Variants in RASGRF1 observed in about 807,000 individuals in gnomAD.
RASGRF1 encodes the protein Ras protein specific guanine nucleotide releasing factor 1, also known as ras-specific guanine nucleotide-releasing factor 1.
RASGRF1 carries 40 observed loss-of-function variants against 138.7 expected under a neutral mutation model. The ratio of observed to expected loss-of-function variants is 0.29; its 90% CI spans 0.22 to 0.38. The LOEUF (loss-of-function observed/expected upper bound fraction) is 0.38. Among genes scored for constraint, RASGRF1 ranks in the 10% least tolerant of loss-of-function variants. The pLI, the probability that RASGRF1 is intolerant of heterozygous loss-of-function variation, is 1.00. For synonymous variants in RASGRF1, 614 were observed against 663.2 expected (o/e 0.93, Z 1.14); for missense variants, 1,108 against 1,650.4 (o/e 0.67, Z 5.69).
chr15:79,061,424 A>ATATATATATATATATATATATATATATG (rs1296911631), intron 2 of RASGRF1, among the ~76,000 whole-genome samples: 1 of 146,612 alleles, frequency 6.8e-6, no homozygotes, highest in East Asian at 2.0e-4. Context: ...ATATATATAT[A>ATATATATATATATATATATATATATATG]TATATATCAT....
intron 10 of RASGRF1, 61 bp from the exon 11 acceptor site, chr15:79,020,165 CCTGG>C: frequency 6.6e-7 from 1 of 1,520,990 alleles, no homozygotes; most frequent in Non-Finnish European, 9.1e-7. Flanking sequence ...TTTAGGAGTC[CCTGG>C]ATGATAGGGT....
intron 1 of RASGRF1, among the ~76,000 whole-genome samples, chr15:79,071,025 C>G (rs764709962): frequency 6.6e-6 from 1 of 152,242 alleles, no homozygotes; most frequent in Non-Finnish European, 1.5e-5. Context: ...CTGCTGGTCT[C>G]CAGCCCCGGG....
intron 24 of RASGRF1, among the ~76,000 whole-genome samples, chr15:78,977,116 G>T (rs551374141): frequency 6.6e-6 from 1 of 152,244 alleles, no homozygotes; most frequent in Admixed American, 6.5e-5. Context: ...CTGGCAAGAG[G>T]CAGCTGCCCA....
chr15:79,000,319 A>G (rs1338387509), intron 16 of RASGRF1, among the ~76,000 whole-genome samples: 2 of 152,210 alleles, frequency 1.3e-5, no homozygotes, highest in Admixed American at 6.5e-5. Flanking sequence ...TCTGACATCC[A>G]TAACAATTCA....
chr15:79,076,328 T>C (rs1595970902), intron 1 of RASGRF1, among the ~76,000 whole-genome samples: 1 of 152,038 alleles, frequency 6.6e-6, no homozygotes, highest in Non-Finnish European at 1.5e-5. Flanking sequence ...CAGGCACTGG[T>C]CTTTTTGAAA....
At position 79,032,591 on chromosome 15, in the gene RASGRF1, G is replaced by C. The variant is rs2057157658; in HGVS notation, c.959-275C>G. On this transcript the variant is annotated intron_variant, in intron 6 of 26. Coordinates refer to ENST00000558480, the MANE Select transcript of RASGRF1 (RefSeq NM_001145648.3). The surrounding 1 kb of genome is among the most constrained non-coding windows in gnomAD (Gnocchi z 4.5). ...ACACTTGTGATGGGAGTGTCAGAGA[G>C]AGGAGGTAGAGTGGGCGCTGTGGGG... Among the ~76,000 whole-genome samples the C allele has an allele frequency of 6.6e-6, 1 of 152,198 alleles. No individual in the cohort carries two copies. Among genetic ancestry groups the C allele is most frequent in the Non-Finnish European group, 1.5e-5 (1 of 68,014 alleles).
At chr15:78,978,226 T>G (rs993354711) in intron 24 of RASGRF1, among the ~76,000 whole-genome samples, 1 of 31,802 alleles carries the variant, frequency 3.1e-5, no homozygotes, top group African/African-American at 5.1e-5. Flanking sequence ...TTTTGTTTTT[T>G]TTTTTTTTTT....
chr15:79,019,306 T>C (rs2056925336), intron 11 of RASGRF1, among the ~76,000 whole-genome samples: 1 of 152,084 alleles, frequency 6.6e-6, no homozygotes, highest in Non-Finnish European at 1.5e-5. Context: ...AGTGCCAACT[T>C]TGGCCCAATC....
At chr15:78,983,649 C>A (rs1272342998) in intron 23 of RASGRF1, among the ~76,000 whole-genome samples, 1 of 152,216 alleles carries the variant, frequency 6.6e-6, no homozygotes, top group African/African-American at 2.4e-5. Context: ...GTGGCAAGGG[C>A]CCTGCCTGAA....
In RASGRF1 at chr15:79,090,593, T is replaced by TCG; in HGVS notation, c.-97_-96dup. Reference sequence around the variant, plus strand: ...GCTGCGCGCTGCCTCTCTCTGGCGCTCGCTCGCTCGCTCCCTCTAGCTCTC... The same window carrying TCG: ...GCTGCGCGCTGCCTCTCTCTGGCGCTCGCGCTCGCTCGCTCCCTCTAGCTCTC... On this transcript the variant is annotated 5_prime_UTR_variant, in exon 1 of 27. Transcript: ENST00000558480. The TCG allele has an allele frequency of 6.6e-7, 1 of 1,506,866 alleles. No individual in the cohort carries two copies. The highest frequency in any genetic ancestry group is 9.0e-7 in the Non-Finnish European group (1 of 1,114,544). 93.3% of individuals were successfully genotyped at this position (1,506,866 alleles called of 1,614,324 possible). A position where few individuals can be genotyped will look rare whatever the true frequency, so the allele number is the denominator to read the frequency against.
chr15:78,993,464 G>C (rs2141668354), intron 20 of RASGRF1, among the ~76,000 whole-genome samples: 1 of 152,118 alleles, frequency 6.6e-6, no homozygotes, highest in East Asian at 1.9e-4. Flanking sequence ...AGGGTGTGTA[G>C]AGAAACCCAG....
chr15:78,975,557 A>C, intron 24 of RASGRF1, among the ~76,000 whole-genome samples: 1 of 148,492 alleles, frequency 6.7e-6, no homozygotes, highest in Admixed American at 6.7e-5. Flanking sequence ...TGTTACCTAG[A>C]CTGGAGTGCA....
In RASGRF1 at chr15:79,032,104, A is replaced by C. The variant is rs753481671; in HGVS notation, c.1152+19T>G. ...CTGCCTCCCTGACTCTACCCCACCC[A>C]GGCAGGGCCGGACGCCACCTGGAAC... On this transcript the variant is annotated intron_variant, in intron 7 of 26. Coordinates refer to ENST00000558480, the MANE Select transcript of RASGRF1 (RefSeq NM_001145648.3). The surrounding 1 kb of genome is among the most constrained non-coding windows in gnomAD (Gnocchi z 4.5). The C allele has an allele frequency of 2.4e-5, 38 of 1,609,590 alleles. No individual in the cohort carries two copies. Among genetic ancestry groups the C allele is most frequent in the Non-Finnish European group, 3.1e-5 (37 of 1,177,698 alleles).
intron 2 of RASGRF1, among the ~76,000 whole-genome samples, chr15:79,059,395 TTCCC>T (rs2057564110): frequency 7.0e-6 from 1 of 143,206 alleles, no homozygotes; most frequent in African/African-American, 2.6e-5. Flanking sequence ...TTCCCTTCCC[TTCCC>T]TTCCCTTCCC....
Position 79,032,243 on chromosome 15 carries a change from C to T in RASGRF1, c.1032G>A (p.Leu344=). ...QEFVRNHQYS[L]QILAHCKQNR... is the part of the protein sequence containing the mutation. ...TCTGCTTGCAGTGGGCCAGGATCTGCAGGCTGTACTGGTGGTTGCGGACGA... is the reference window on the plus strand; with the variant it reads ...TCTGCTTGCAGTGGGCCAGGATCTGTAGGCTGTACTGGTGGTTGCGGACGA... The change falls in exon 7 of 27, where the codon CTG becomes CTA. Residue 344 remains leucine (L), a synonymous_variant. Transcript: ENST00000558480. The surrounding 1 kb of genome is among the most constrained non-coding windows in gnomAD (Gnocchi z 4.5). The T allele has an allele frequency of 6.2e-7, 1 of 1,614,102 alleles. No homozygotes were observed. The highest frequency in any genetic ancestry group is 8.5e-7 in the Non-Finnish European group (1 of 1,179,976).
chr15:78,984,880 TG>T, intron 23 of RASGRF1, 126 bp downstream of exon 23: 1 of 1,012,932 alleles, frequency 9.9e-7, no homozygotes. Flanking sequence ...CTGTTTTACC[TG>T]GGAGTGTTAG....
intron 1 of RASGRF1, among the ~76,000 whole-genome samples, chr15:79,069,021 C>T (rs183454557): frequency 6.6e-6 from 1 of 152,172 alleles, no homozygotes; most frequent in African/African-American, 2.4e-5. Flanking sequence ...GGTGTCTGCA[C>T]TCCATCCTTC....
intron 13 of RASGRF1, among the ~76,000 whole-genome samples, chr15:79,010,684 C>T (rs2056777572): frequency 6.6e-6 from 1 of 152,252 alleles, no homozygotes; most frequent in Non-Finnish European, 1.5e-5. Flanking sequence ...AATGACAGGC[C>T]TTGCCTGAAG....
chr15:78,975,028 A>G (rs2055844865), intron 24 of RASGRF1, among the ~76,000 whole-genome samples: 1 of 152,212 alleles, frequency 6.6e-6, no homozygotes, highest in African/African-American at 2.4e-5. Flanking sequence ...TGTTTTTCCA[A>G]ATGTAGGGCT....
Sources: allele counts gnomAD v4.1 joint callset (sites outside exome capture counted in the v4.1 genomes callset), GRCh38; gene constraint gnomAD v4.1.1; non-coding constraint Gnocchi (gnomAD v3.1); transcripts MANE v1.5; gene names NCBI Gene and HGNC (gene_info 2026-07-23, HGNC 2026-07-21).